UBE3A: variants seen among roughly 807,000 people sequenced by gnomAD.
UBE3A encodes the protein ubiquitin-protein ligase E3A.
In UBE3A, 6 loss-of-function variants were observed where a neutral mutation model predicts 83.4. The observed-to-expected ratio is 0.07, with a 90% CI of 0.04 to 0.14. The LOEUF is 0.14. Ranked by LOEUF, UBE3A falls within the 10% of genes least tolerant of loss-of-function variation. The pLI is 1.00. For missense variants in UBE3A, 456 were observed against 1,036.1 expected (o/e 0.44, Z 7.69); for synonymous variants, 337 against 355.4 (o/e 0.95, Z 0.58).
intron 4 of UBE3A, among the ~76,000 whole-genome samples, chr15:25,389,261 C>CAAAA (rs57524621): frequency 6.8e-6 from 1 of 146,186 alleles, no homozygotes; most frequent in Non-Finnish European, 1.5e-5. Context: ...CATCCACATG[C>CAAAA]AAAAAAAAAA....
chr15:25,366,525 A>G (rs1472117227), intron 6 of UBE3A, among the ~76,000 whole-genome samples: 1 of 152,084 alleles, frequency 6.6e-6, no homozygotes, highest in Non-Finnish European at 1.5e-5. Flanking sequence ...TATCTGTGCT[A>G]ATTCCTATTT....
chr15:25,387,703 A>G (rs1009158625), intron 4 of UBE3A, among the ~76,000 whole-genome samples: 9 of 152,200 alleles, frequency 5.9e-5, no homozygotes, highest in African/African-American at 1.9e-4. Context: ...CTCTGAAAAG[A>G]TCAATAAAAT....
chr15:25,360,654 CAGAA>C (rs1815420538), intron 6 of UBE3A, 127 bp from the exon 7 acceptor site: 3 of 1,049,032 alleles, frequency 2.9e-6, no homozygotes, highest in East Asian at 2.6e-5. Flanking sequence ...TAAATGGAAA[CAGAA>C]AGCAAACTGA....
At chr15:25,414,192 A>C (rs734238) in intron 1 of UBE3A, among the ~76,000 whole-genome samples, 2,378 of 152,240 alleles carry the variant, frequency 0.016, 66 homozygotes, top group African/African-American at 0.054. Flanking sequence ...CACTCTGCCT[A>C]ATCTCACTGT....
chr15:25,374,795 A>T (rs1224615769), intron 5 of UBE3A: 1 of 152,680 alleles, frequency 6.5e-6, no homozygotes, highest in East Asian at 1.9e-4. Context: ...TAGTCATTCA[A>T]AAATTTGATT....
At position 25,364,036 on chromosome 15, in the gene UBE3A, TAATA is replaced by T. The variant is rs370238150; in HGVS notation, c.1609-3513_1609-3510del. ...ATGAAACCTTGTTTCTACAAAAAAC[TAATA>T]AATAAATAAATAAATAAATAAATAA... On this transcript the variant is annotated intron_variant, in intron 6 of 12. Transcript: ENST00000648336. Among the ~76,000 whole-genome samples the T allele has an allele frequency of 5.7e-4, 78 of 137,626 alleles. 1 individual carries two copies. Among genetic ancestry groups the T allele is most frequent in the Admixed American group, 1.2e-3 (16 of 13,582 alleles). The allele number at this position is 137,626 out of a possible 152,430, so 90.3% of individuals were successfully genotyped here.
At position 25,428,313 on chromosome 15, in the gene UBE3A, T is replaced by C. The variant is rs142978288; in HGVS notation, c.-165+10176A>G. On this transcript the variant is annotated intron_variant, in intron 1 of 12. Coordinates refer to ENST00000648336, the MANE Select transcript of UBE3A (RefSeq NM_130839.5). ...ATAAAAAATCCTAACTCCTTTCAGA[T>C]GAACCTAAATGCAAATAACAAAGAG... Among the ~76,000 whole-genome samples the C allele has an allele frequency of 6.0e-3, 910 of 152,252 alleles. 6 individuals are homozygous for C. Among genetic ancestry groups the C allele is most frequent in the Middle Eastern group, 0.024 (7 of 294 alleles).
intron 4 of UBE3A, chr15:25,393,920 T>A (rs2084959731): frequency 6.6e-6 from 1 of 152,194 alleles, no homozygotes; most frequent in South Asian, 2.1e-4. Flanking sequence ...AATGCATTTT[T>A]TCACACCTTC....
chr15:25,374,137 AAAAC>A (rs1393765022), intron 5 of UBE3A: 3 of 152,250 alleles, frequency 2.0e-5, no homozygotes. Flanking sequence ...TGCAAAAACA[AAAAC>A]AAAAAAACCA....
In UBE3A at chr15:25,370,439, G is replaced by T. The variant is rs907785702; in HGVS notation, c.1608+127C>A. 9.0e-7 allele frequency: 1 copy of T among 1,115,870 alleles called. No individual in the cohort carries two copies. Among genetic ancestry groups the T allele is most frequent in the Non-Finnish European group, 1.4e-6 (1 of 736,462 alleles). 69.1% of individuals were successfully genotyped at this position (1,115,870 alleles called of 1,614,324 possible). On this transcript the variant is annotated intron_variant, in intron 6 of 12. Coordinates refer to ENST00000648336, the MANE Select transcript of UBE3A (RefSeq NM_130839.5). The surrounding 1 kb of genome is among the most constrained non-coding windows in gnomAD (Gnocchi z 4.2). ...CAACAAAAGTATAATACTTATATAAGATCAGAAATGTCCATGTGTTCCTAT... is the reference window on the plus strand; with the variant it reads ...CAACAAAAGTATAATACTTATATAATATCAGAAATGTCCATGTGTTCCTAT...
chr15:25,413,080 G>C, intron 1 of UBE3A: 1 of 426,622 alleles, frequency 2.3e-6, no homozygotes, highest in Middle Eastern at 3.9e-4. Flanking sequence ...TAATCATGGA[G>C]GAAATATACC....
chr15:25,418,703 T>C (rs1179933354), intron 1 of UBE3A: 1 of 152,152 alleles, frequency 6.6e-6, no homozygotes, highest in Admixed American at 6.5e-5. Context: ...ATGGTATATG[T>C]GGTCAACTGT....
intron 4 of UBE3A, among the ~76,000 whole-genome samples, chr15:25,398,800 TATATATATATATATAA>T (rs1456440556): frequency 0.05 from 3,235 of 64,504 alleles, 288 homozygotes; most frequent in East Asian, 0.37. Context: ...TATATATATA[TATATATATATATATAA>T]AAATACATAT....
chr15:25,433,627 C>T (rs145072298), intron 1 of UBE3A, among the ~76,000 whole-genome samples: 16 of 152,270 alleles, frequency 1.1e-4, no homozygotes, highest in East Asian at 7.7e-4. Flanking sequence ...ATGACCATTA[C>T]GAAGCTAGTT....
At chr15:25,354,146 T>G in intron 11 of UBE3A, 2 of 610,594 alleles carry the variant, frequency 3.3e-6, no homozygotes, top group Non-Finnish European at 5.8e-6. Flanking sequence ...ACATGAGACT[T>G]ATATATAACA....
At chr15:25,386,692 G>T (rs1176414273) in intron 4 of UBE3A, among the ~76,000 whole-genome samples, 1 of 150,522 alleles carries the variant, frequency 6.6e-6, no homozygotes, top group Non-Finnish European at 1.5e-5. Flanking sequence ...AAAAAAATCC[G>T]AAGTAAGCCA....
At chr15:25,434,817 T>G (rs1051606082) in intron 1 of UBE3A, among the ~76,000 whole-genome samples, 8 of 152,176 alleles carry the variant, frequency 5.3e-5, no homozygotes, top group African/African-American at 1.9e-4. Context: ...TTTCCTCTTG[T>G]ATAAAATGAC....
At chr15:25,409,404 T>C in intron 2 of UBE3A, 197 bp from the exon 3 acceptor site, 1 of 314,520 alleles carries the variant, frequency 3.2e-6, no homozygotes, top group Non-Finnish European at 5.9e-6. Context: ...TGAGAAAATG[T>C]AATAATTCCT....
chr15:25,384,950 T>C (rs2082849016), intron 4 of UBE3A, among the ~76,000 whole-genome samples: 1 of 152,148 alleles, frequency 6.6e-6, no homozygotes. Flanking sequence ...TATACAAAGA[T>C]GAACTCAAGC....
Sources: gnomAD v4.1 joint callset for allele counts (sites outside exome capture counted in the v4.1 genomes callset) on GRCh38, gnomAD v4.1.1 for gene constraint, Gnocchi (gnomAD v3.1) non-coding constraint, MANE v1.5 for transcripts, NCBI Gene and HGNC (gene_info 2026-07-23, HGNC 2026-07-21) for gene names.